ANK1: variants seen among roughly 807,000 people sequenced by gnomAD.
ANK1 encodes the protein ankyrin 1, also known as ankyrin-1.
Under a neutral mutation model 210.4 loss-of-function variants are expected in ANK1, and 51 were observed. That is an observed-to-expected ratio of 0.24 (90% CI 0.19 to 0.31). The LOEUF (loss-of-function observed/expected upper bound fraction) is 0.31. ANK1 is among the 10% of genes least tolerant of loss of function. ANK1 has a pLI of 1.00. For synonymous variants in ANK1, 967 were observed against 1,025.9 expected, an observed-to-expected ratio of 0.94 and a Z score of 1.10; for missense variants, 2,051 against 2,504.4, an observed-to-expected ratio of 0.82 and a Z score of 3.86.
chr8:41,674,650 T>C (rs749664211), intron 37 of ANK1, among the ~76,000 whole-genome samples: 1 of 152,214 alleles, frequency 6.6e-6, no homozygotes, highest in African/African-American at 2.4e-5. Context: ...GTGTTCAACG[T>C]GCCCGGAGCC....
intron 1 of ANK1, among the ~76,000 whole-genome samples, chr8:41,794,544 C>T (rs1848375283): frequency 6.6e-6 from 1 of 152,214 alleles, no homozygotes; most frequent in Non-Finnish European, 1.5e-5. Context: ...ATGCAGTTTA[C>T]TCCTTTATTT....
intron 1 of ANK1, among the ~76,000 whole-genome samples, chr8:41,855,364 T>C (rs944728267): frequency 3.9e-5 from 6 of 152,212 alleles, no homozygotes; most frequent in Non-Finnish European, 5.9e-5. Flanking sequence ...GCAAAGCCCA[T>C]AGGAGACCTC....
intron 1 of ANK1, among the ~76,000 whole-genome samples, chr8:41,859,336 GTGTT>G (rs368482975): frequency 0.011 from 1,615 of 152,010 alleles, 27 homozygotes; most frequent in African/African-American, 0.033. Flanking sequence ...TTGTTTGTTT[GTGTT>G]TGTTTGTTTG....
chr8:41,766,983 G>A (rs557070479), intron 1 of ANK1, among the ~76,000 whole-genome samples: 224 of 152,274 alleles, frequency 1.5e-3, no homozygotes, highest in Admixed American at 0.011. Context: ...GGGGTGAGGG[G>A]ACTTGGCCTC....
intron 1 of ANK1, among the ~76,000 whole-genome samples, chr8:41,883,228 A>T (rs1817901272): frequency 6.6e-6 from 1 of 152,224 alleles, no homozygotes; most frequent in South Asian, 2.1e-4. Context: ...GGGGGCAATG[A>T]GATGCCAGGT....
chr8:41,677,736 C>G (rs922251655), intron 37 of ANK1, among the ~76,000 whole-genome samples: 1 of 151,490 alleles, frequency 6.6e-6, no homozygotes, highest in African/African-American at 2.4e-5. Context: ...AGTACAGGCA[C>G]GCACCACCAT....
At chr8:41,753,249 G>A (rs760659895) in intron 2 of ANK1, among the ~76,000 whole-genome samples, 2 of 151,976 alleles carry the variant, frequency 1.3e-5, no homozygotes, top group Non-Finnish European at 2.9e-5. Context: ...TTTTAGTGGA[G>A]ACTAAATAGT....
At chr8:41,714,290 C>T (rs1827008805) in intron 15 of ANK1, 36 bp from the exon 16 acceptor site, 1 of 1,504,376 alleles carries the variant, frequency 6.6e-7, no homozygotes, top group Non-Finnish European at 9.0e-7. Flanking sequence ...CCGGCTGTCA[C>T]TCCCACGGAC....
intron 1 of ANK1, among the ~76,000 whole-genome samples, chr8:41,880,583 C>T (rs1214922466): frequency 6.6e-6 from 1 of 152,206 alleles, no homozygotes; most frequent in Admixed American, 6.5e-5. Flanking sequence ...ACTGCATGTG[C>T]CCCCAGGGCC....
chr8:41,795,003 C>A lies in ANK1; in HGVS notation c.27+2509G>T, dbSNP rs1245687788. Reference sequence around the variant, plus strand: ...ACCGGCGTGAGCCACCGTGCCTGGCCGTAAAGGTTGTTAAACAGACCTGGA... The same window carrying A: ...ACCGGCGTGAGCCACCGTGCCTGGCAGTAAAGGTTGTTAAACAGACCTGGA... On this transcript the variant is annotated intron_variant, in intron 1 of 42. Coordinates refer to ENST00000289734, the MANE Select transcript of ANK1 (RefSeq NM_000037.4). Among the ~76,000 whole-genome samples, 6 of 152,268 alleles carry A rather than the reference C, an allele frequency of 3.9e-5. No homozygotes were observed. The East Asian group carries it at 1.2e-3, about 29-fold the overall frequency.
chr8:41,871,172 C>G (rs1587537889), intron 1 of ANK1, among the ~76,000 whole-genome samples: 1 of 152,214 alleles, frequency 6.6e-6, no homozygotes, highest in East Asian at 1.9e-4. Flanking sequence ...CTTCCCATCG[C>G]CCCTGCATTG....
chr8:41,849,468 G>A (rs1810760913), intron 1 of ANK1, among the ~76,000 whole-genome samples: 1 of 151,848 alleles, frequency 6.6e-6, no homozygotes, highest in Non-Finnish European at 1.5e-5. Flanking sequence ...AGACTGCAGT[G>A]AGCTGAGATC....
At chr8:41,749,370 T>C (rs1414888492) in intron 2 of ANK1, among the ~76,000 whole-genome samples, 4 of 145,530 alleles carry the variant, frequency 2.7e-5, no homozygotes, top group Non-Finnish European at 6.0e-5. Flanking sequence ...CAATCTCGGC[T>C]CACTGCAACC....
intron 2 of ANK1, among the ~76,000 whole-genome samples, chr8:41,746,622 A>G (rs1264128969): frequency 6.6e-6 from 1 of 152,202 alleles, no homozygotes; most frequent in African/African-American, 2.4e-5. Context: ...CTGCAAGGAA[A>G]TGAATCAACC....
intron 2 of ANK1, among the ~76,000 whole-genome samples, chr8:41,743,332 G>A (rs1164392716): frequency 6.6e-6 from 1 of 152,156 alleles, no homozygotes; most frequent in Non-Finnish European, 1.5e-5. Context: ...GGGAAGGAGC[G>A]ACGGCATGAT....
Position 41,684,577 on chromosome 8 carries a change from G to A in ANK1, c.4504C>T (p.Arg1502Cys), listed in dbSNP as rs745317361. The A allele has an allele frequency of 6.2e-6, 10 of 1,613,808 alleles. No homozygotes were observed. The highest frequency in any genetic ancestry group is 1.6e-4 in the Middle Eastern group (1 of 6,062). Residue 1502 changes from arginine (R) to cysteine (C), a missense_variant, in exon 37 of 43, where the codon CGC (arginine) becomes TGC (cysteine). By Grantham distance (180) the Arg-to-Cys change is radical (BLOSUM62 -3). Transcript: ENST00000289734. ...NLKPDRRHTD[R>C]DYSLSPSQMN... is the part of the protein sequence containing the mutation. ...TGGGAGGGTGACAGCGAGTAGTCGC[G>A]GTCGGTGTGCCGCCTGTCTGGCTTC...
intron 1 of ANK1, among the ~76,000 whole-genome samples, chr8:41,814,802 C>T (rs989662770): frequency 4.6e-5 from 7 of 151,222 alleles, no homozygotes; most frequent in South Asian, 2.1e-4. Context: ...ACTGATTTAT[C>T]GGAACTTAGC....
At chr8:41,832,505 A>G (rs2150798561) in intron 1 of ANK1, among the ~76,000 whole-genome samples, 1 of 152,318 alleles carries the variant, frequency 6.6e-6, no homozygotes, top group South Asian at 2.1e-4. Context: ...CCAGTGAAGC[A>G]GAAGCCACTC....
intron 1 of ANK1, among the ~76,000 whole-genome samples, chr8:41,782,085 C>T (rs966145727): frequency 6.6e-6 from 1 of 152,160 alleles, no homozygotes; most frequent in Non-Finnish European, 1.5e-5. Flanking sequence ...ATGTGCAGAG[C>T]CCTCCATCTA....
Sources: gnomAD v4.1 joint callset for allele counts (sites outside exome capture counted in the v4.1 genomes callset) on GRCh38, gnomAD v4.1.1 for gene constraint, MANE v1.5 for transcripts, NCBI Gene and HGNC (gene_info 2026-07-23, HGNC 2026-07-21) for gene names.